The following MSTO1 variants were observed in gnomAD, a reference collection of about 807,000 sequenced individuals.
MSTO1 encodes the protein protein misato homolog 1.
Under a neutral mutation model 55.7 loss-of-function variants are expected in MSTO1, and 24 were observed. The observed-to-expected ratio is 0.43, with a 90% CI of 0.31 to 0.61. The LOEUF (loss-of-function observed/expected upper bound fraction) is 0.61, where lower values mean the gene tolerates loss of function less well. Ranked by LOEUF, MSTO1 falls within the 20% of genes least tolerant of loss-of-function variation. MSTO1 has a pLI of 0.09. For synonymous variants in MSTO1, 162 were observed against 252.8 expected, an observed-to-expected ratio of 0.64 and a Z score of 3.41; for missense variants, 363 against 625.7, an observed-to-expected ratio of 0.58 and a Z score of 4.48.
upstream of MSTO1, among the ~76,000 whole-genome samples, chr1:155,607,261 G>A (rs1292893115): frequency 7.9e-5 from 12 of 151,970 alleles, 1 homozygote; most frequent in Non-Finnish European, 4.4e-5. Context: ...TGCAACCTCC[G>A]ACTCCCTGGT....
the MSTO1 span, among the ~76,000 whole-genome samples, chr1:155,582,854 C>G: frequency 6.6e-6 from 1 of 151,904 alleles, no homozygotes; most frequent in Non-Finnish European, 1.5e-5. Flanking sequence ...TCCTTACCCA[C>G]CTACCTGCAA....
the MSTO1 span, among the ~76,000 whole-genome samples, chr1:155,583,858 G>A: frequency 6.6e-6 from 1 of 152,112 alleles, no homozygotes; most frequent in Non-Finnish European, 1.5e-5. Context: ...GGGGAGCATT[G>A]AGAAGATCTG....
chr1:155,603,585 C>T, the MSTO1 span, among the ~76,000 whole-genome samples: 1 of 152,146 alleles, frequency 6.6e-6, no homozygotes, highest in Admixed American at 6.5e-5. Context: ...AGACCTGGCA[C>T]AGTGGCTCAC....
At chr1:155,613,330 C>T (rs1674742389) in intron 11 of MSTO1, 97 bp downstream of exon 11, 1 of 1,573,620 alleles carries the variant, frequency 6.4e-7, no homozygotes, top group Non-Finnish European at 8.6e-7. Context: ...ACTGTTCCCT[C>T]CCCACCCCTT....
intron 4 of MSTO1, 116 bp downstream of exon 4, chr1:155,611,407 A>G: frequency 1.3e-6 from 2 of 1,599,558 alleles, no homozygotes; most frequent in Non-Finnish European, 8.5e-7. Flanking sequence ...ATTTTGGGAA[A>G]AAGCACTCCT....
the MSTO1 span, among the ~76,000 whole-genome samples, chr1:155,588,502 A>G: frequency 6.6e-6 from 1 of 152,214 alleles, no homozygotes; most frequent in Middle Eastern, 3.4e-3. Context: ...CTTGTTTCAC[A>G]GATGGAGAAA....
At chr1:155,597,966 G>A in the MSTO1 span, among the ~76,000 whole-genome samples, 12 of 151,802 alleles carry the variant, frequency 7.9e-5, no homozygotes, top group South Asian at 8.3e-4. Context: ...ACAGGCACGC[G>A]CCACCACGCC....
Position 155,612,064 on chromosome 1 carries a change from G to T in MSTO1, c.642G>T (p.Arg214Ser), listed in dbSNP as rs747085139. The change falls in exon 7 of 14, where the codon AGG becomes AGT. Residue 214 changes from arginine to serine, a missense_variant. Around this residue, in one of 3 missense-constraint regions of MSTO1, gnomAD observed 94 missense variants for 212.4 expected, o/e 0.44. Transcript: ENST00000245564. Reference protein sequence around the residue: ...EPKYQEELEDRLHFYVEECDY... With the variant: ...EPKYQEELEDSLHFYVEECDY... Reference sequence around the variant, plus strand: ...AGTACCAGGAAGAGCTGGAGGACAGGCTGCATTTCTACGTGGAGGAATGTG... The same window carrying T: ...AGTACCAGGAAGAGCTGGAGGACAGTCTGCATTTCTACGTGGAGGAATGTG... The T allele has an allele frequency of 1.9e-6, 3 of 1,608,648 alleles. No individual in the cohort carries two copies. Among genetic ancestry groups the T allele is most frequent in the Non-Finnish European group, 1.7e-6 (2 of 1,178,506 alleles).
Position 155,612,567 on chromosome 1 carries a change from T to C in MSTO1, c.963T>C (p.Tyr321=). The change falls in exon 9 of 14, where the codon TAT becomes TAC. Residue 321 remains tyrosine (Y), a synonymous_variant. Transcript: ENST00000245564. ...EPPVSFPYLH[Y]DATLPFHCSA... is the part of the protein sequence containing the mutation. ...CTGTCAGCTTCCCTTACCTGCATTA[T>C]GATGTAAGTCTCGGTGCTCTTGTTC... 1 of 1,609,976 alleles carries C rather than the reference T, an allele frequency of 6.2e-7. No individual in the cohort carries two copies. Among genetic ancestry groups the C allele is most frequent in the Non-Finnish European group, 8.5e-7 (1 of 1,179,050 alleles).
the MSTO1 span, among the ~76,000 whole-genome samples, chr1:155,570,168 CAT>C: frequency 2.2e-4 from 34 of 152,278 alleles, no homozygotes; most frequent in Middle Eastern, 3.4e-3. Flanking sequence ...TAATCCCAGT[CAT>C]GTGTGTACAC....
At chr1:155,581,791 T>C in the MSTO1 span, among the ~76,000 whole-genome samples, 1 of 151,824 alleles carries the variant, frequency 6.6e-6, no homozygotes, top group Middle Eastern at 3.2e-3. Context: ...CTTTAATTTT[T>C]ACCATAATTT....
chr1:155,590,244 GC>G, the MSTO1 span, among the ~76,000 whole-genome samples: 41 of 152,048 alleles, frequency 2.7e-4, no homozygotes, highest in African/African-American at 9.2e-4. Context: ...GGGAAACCCA[GC>G]CCCCAGCAGC....
At chr1:155,574,726 T>C in the MSTO1 span, among the ~76,000 whole-genome samples, 2 of 151,972 alleles carry the variant, frequency 1.3e-5, no homozygotes, top group African/African-American at 4.8e-5. Flanking sequence ...GCAACTATGT[T>C]CAGCTAATTT....
chr1:155,579,848 A>G, the MSTO1 span, among the ~76,000 whole-genome samples: 19 of 151,974 alleles, frequency 1.3e-4, no homozygotes, highest in Non-Finnish European at 2.5e-4. Context: ...AGGCCGAGGC[A>G]GGCAGATCAC....
the MSTO1 span, among the ~76,000 whole-genome samples, chr1:155,583,480 G>A: frequency 2.0e-5 from 3 of 152,076 alleles, no homozygotes; most frequent in South Asian, 4.1e-4. Context: ...AGAGGCTGCA[G>A]TGAGCTATGA....
chr1:155,591,683 G>T, the MSTO1 span, among the ~76,000 whole-genome samples: 1 of 151,844 alleles, frequency 6.6e-6, no homozygotes, highest in African/African-American at 2.4e-5. Flanking sequence ...CCAGCTACTC[G>T]GGAGGCTGAG....
the MSTO1 span, among the ~76,000 whole-genome samples, chr1:155,600,975 CTTTTTTTTTTT>C: frequency 8.4e-6 from 1 of 119,134 alleles, no homozygotes. Flanking sequence ...TGTGCTAGGC[CTTTTTTTTTTT>C]TTTTTTTTTT....
upstream of MSTO1, among the ~76,000 whole-genome samples, chr1:155,606,888 G>A (rs1223908411): frequency 6.6e-6 from 1 of 152,100 alleles, no homozygotes; most frequent in Non-Finnish European, 1.5e-5. Flanking sequence ...AGGCTGGAGT[G>A]CAGTGGCCCC....
chr1:155,574,870 CTTTTTTT>C, the MSTO1 span, among the ~76,000 whole-genome samples: 2 of 126,244 alleles, frequency 1.6e-5, no homozygotes, highest in Non-Finnish European at 3.4e-5. Flanking sequence ...AGAACTTTTT[CTTTTTTT>C]TTTTTTTTTT....
Sources: allele counts gnomAD v4.1 joint callset (sites outside exome capture counted in the v4.1 genomes callset), GRCh38; gene constraint gnomAD v4.1.1; regional missense constraint gnomAD v4.1.1; transcripts MANE v1.5; gene names NCBI Gene and HGNC (gene_info 2026-07-23, HGNC 2026-07-21).